The following ASIC2 variants were observed in gnomAD, a reference collection of about 807,000 sequenced individuals.
ASIC2 encodes the protein acid sensing ion channel subunit 2, also known as acid-sensing ion channel 2.
Under a neutral mutation model 57.3 loss-of-function variants are expected in ASIC2, and 25 were observed. The ratio of observed to expected loss-of-function variants is 0.44; its 90% CI spans 0.32 to 0.61. The LOEUF is 0.61. Among genes scored for constraint, ASIC2 ranks in the 20% least tolerant of loss-of-function variants. The probability of loss-of-function intolerance (pLI) is 0.06; values close to 1 mark genes in which losing one functional copy is unlikely to be tolerated. For missense variants in ASIC2, 641 were observed against 738.1 expected, an observed-to-expected ratio of 0.87 and a Z score of 1.52; for synonymous variants, 319 against 307.5, an observed-to-expected ratio of 1.04 and a Z score of -0.39.
At chr17:33,265,362 A>G (rs545862676) in intron 1 of ASIC2, among the ~76,000 whole-genome samples, 1 of 152,372 alleles carries the variant, frequency 6.6e-6, no homozygotes, top group African/African-American at 2.4e-5. Context: ...TTACATGGAC[A>G]TGGATGGAGC....
intron 1 of ASIC2, chr17:34,041,364 A>C (rs921999000): frequency 6.6e-6 from 1 of 152,198 alleles, no homozygotes; most frequent in Non-Finnish European, 1.5e-5. Context: ...GCCTCTCCAC[A>C]GAGTCCTCAA....
intron 1 of ASIC2, chr17:33,955,598 C>T (rs1417470786): frequency 6.6e-6 from 1 of 152,110 alleles, no homozygotes; most frequent in Non-Finnish European, 1.5e-5. Flanking sequence ...CATTCCACCA[C>T]CCACCACCAA....
chr17:33,905,986 C>G (rs1915338714), intron 1 of ASIC2, among the ~76,000 whole-genome samples: 1 of 150,654 alleles, frequency 6.6e-6, no homozygotes, highest in African/African-American at 2.4e-5. Context: ...CCTGGCTGCC[C>G]AGCTAATATT....
rs111460979 is a variant in ASIC2, at chr17:33,025,382, T to G, written c.1195+544A>C. On this transcript the variant is annotated intron_variant, in intron 5 of 9. Coordinates refer to ENST00000225823, the MANE Select transcript of ASIC2 (RefSeq NM_183377.2). Reference sequence around the variant, plus strand: ...AGGCCCCTCAGGCAGGAGGAAGAAGTGTGCTTTGTGTTTTCCATTTGCATG... The same window carrying G: ...AGGCCCCTCAGGCAGGAGGAAGAAGGGTGCTTTGTGTTTTCCATTTGCATG... Among the ~76,000 whole-genome samples, 425 of 152,252 alleles carry G rather than the reference T, an allele frequency of 2.8e-3. 2 individuals carry two copies. The highest frequency in any genetic ancestry group is 9.4e-3 in the African/African-American group (390 of 41,532).
intron 1 of ASIC2, among the ~76,000 whole-genome samples, chr17:33,775,170 A>G (rs1292371016): frequency 6.6e-6 from 1 of 152,226 alleles, no homozygotes. Context: ...TTTGTTTGCC[A>G]AGTGAGACTC....
intron 1 of ASIC2, among the ~76,000 whole-genome samples, chr17:33,152,920 C>A (rs1240026520): frequency 6.6e-6 from 1 of 152,156 alleles, no homozygotes; most frequent in African/African-American, 2.4e-5. Flanking sequence ...TAGAAACCCT[C>A]CCCTCCGAGG....
At chr17:34,067,114 T>A (rs968628504) in intron 1 of ASIC2, among the ~76,000 whole-genome samples, 5 of 152,226 alleles carry the variant, frequency 3.3e-5, no homozygotes, top group African/African-American at 1.2e-4. Flanking sequence ...ATAAGCACAT[T>A]GTGTCACATT....
chr17:33,864,784 T>C (rs1293013968), intron 1 of ASIC2, among the ~76,000 whole-genome samples: 1 of 152,134 alleles, frequency 6.6e-6, no homozygotes, highest in Non-Finnish European at 1.5e-5. Flanking sequence ...GGCATAGTCA[T>C]GGCCTACAAA....
intron 1 of ASIC2, among the ~76,000 whole-genome samples, chr17:33,649,418 C>T (rs749042595): frequency 7.2e-5 from 11 of 152,152 alleles, no homozygotes; most frequent in Non-Finnish European, 1.0e-4. Context: ...GAGAGACATA[C>T]CATGTTCACG....
At chr17:34,094,617 G>A (rs62059036) in intron 1 of ASIC2, among the ~76,000 whole-genome samples, 27,062 of 152,146 alleles carry the variant, frequency 0.18, 3,022 homozygotes, top group African/African-American at 0.32. Flanking sequence ...TCACTTTGGA[G>A]ATCATGAAGC....
chr17:33,017,698 G>C lies in ASIC2; in HGVS notation c.1442-14C>G, dbSNP rs2091814342. On this transcript the variant is annotated splice_polypyrimidine_tract_variant and intron_variant, in intron 7 of 9. Coordinates refer to ENST00000225823, the MANE Select transcript of ASIC2 (RefSeq NM_183377.2). Reference sequence around the variant, plus strand: ...CACCAATATCACCTGGAGAGAGAGGGAAAAGACCAAAGCTTTGCTTTTATG... The same window carrying C: ...CACCAATATCACCTGGAGAGAGAGGCAAAAGACCAAAGCTTTGCTTTTATG... 1 of 1,609,674 alleles carries C rather than the reference G, an allele frequency of 6.2e-7. No individual in the cohort carries two copies. Among genetic ancestry groups the C allele is most frequent in the African/African-American group, 1.3e-5 (1 of 74,852 alleles).
At chr17:33,832,508 A>T (rs1913146703) in intron 1 of ASIC2, among the ~76,000 whole-genome samples, 1 of 152,308 alleles carries the variant, frequency 6.6e-6, no homozygotes, top group South Asian at 2.1e-4. Flanking sequence ...ATACACTGGC[A>T]GTGAGATAGA....
intron 1 of ASIC2, among the ~76,000 whole-genome samples, chr17:33,232,710 C>T (rs1908153279): frequency 6.6e-6 from 1 of 152,176 alleles, no homozygotes; most frequent in Non-Finnish European, 1.5e-5. Context: ...TCAGCCAATT[C>T]AGAATCTTTT....
intron 1 of ASIC2, chr17:34,039,820 G>T: frequency 6.2e-7 from 1 of 1,608,928 alleles, no homozygotes; most frequent in African/African-American, 1.3e-5. Context: ...AGTAAACCTG[G>T]CCTCCAATAA....
intron 1 of ASIC2, among the ~76,000 whole-genome samples, chr17:33,120,965 GTTC>G (rs933476966): frequency 2.6e-5 from 4 of 152,154 alleles, no homozygotes; most frequent in African/African-American, 9.7e-5. Context: ...TATCTTTTTG[GTTC>G]TTCATCTTTT....
chr17:34,021,265 A>C (rs946338265), intron 1 of ASIC2, among the ~76,000 whole-genome samples: 29 of 152,134 alleles, frequency 1.9e-4, no homozygotes, highest in African/African-American at 6.7e-4. Context: ...AAAAAAAAAA[A>C]ATAGACTACT....
At chr17:33,249,541 C>A (rs752184302) in intron 1 of ASIC2, among the ~76,000 whole-genome samples, 32 of 152,180 alleles carry the variant, frequency 2.1e-4, no homozygotes, top group African/African-American at 7.0e-4. Context: ...AGCCCTGAGA[C>A]AAAAGAAGGA....
chr17:33,390,962 T>C (rs1367719716), intron 1 of ASIC2, among the ~76,000 whole-genome samples: 1 of 152,228 alleles, frequency 6.6e-6, no homozygotes, highest in Non-Finnish European at 1.5e-5. Flanking sequence ...TGGAGCTGTC[T>C]GAGAGGCTGC....
At position 33,224,326 on chromosome 17, in the gene ASIC2, G is replaced by A. The variant is rs116777661; in HGVS notation, c.708+67082C>T. ...CAGCTGTGGCACCTGAATGTGCAGA[G>A]ACGCCACATCTGTTTCTGAAAACTA... On this transcript the variant is annotated intron_variant, in intron 1 of 9. Coordinates refer to ENST00000225823, the MANE Select transcript of ASIC2 (RefSeq NM_183377.2). 8.3e-4 allele frequency among the ~76,000 whole-genome samples: 126 copies of A among 152,354 alleles called. 1 individual carries two copies. Among genetic ancestry groups the A allele is most frequent in the African/African-American group, 3.0e-3 (123 of 41,574 alleles).
Sources: allele counts gnomAD v4.1 joint callset (sites outside exome capture counted in the v4.1 genomes callset), GRCh38; gene constraint gnomAD v4.1.1; transcripts MANE v1.5; gene names NCBI Gene and HGNC (gene_info 2026-07-23, HGNC 2026-07-21).